Variants in SLC6A9 observed in about 807,000 individuals in gnomAD.
SLC6A9 encodes the protein sodium- and chloride-dependent glycine transporter 1.
A neutral mutation model predicts 70.9 loss-of-function variants in SLC6A9; 31 were observed. The observed-to-expected ratio is 0.44, with a 90% CI of 0.33 to 0.59. The LOEUF (loss-of-function observed/expected upper bound fraction) is 0.59. Ranked by LOEUF, SLC6A9 falls within the 20% of genes least tolerant of loss-of-function variation. The pLI, the probability that SLC6A9 is intolerant of heterozygous loss-of-function variation, is 0.04. For synonymous variants in SLC6A9, 310 were observed against 341.3 expected (o/e 0.91, Z 1.01); for missense variants, 631 against 845.2 (o/e 0.75, Z 3.14).
chr1:44,021,180 G>A (rs777701024), intron 2 of SLC6A9, among the ~76,000 whole-genome samples: 10 of 151,990 alleles, frequency 6.6e-5, no homozygotes, highest in Admixed American at 1.3e-4. Context: ...TGCTCCGCAC[G>A]TGTATGAGGC....
At chr1:44,006,896 G>A (rs1425638936) in intron 5 of SLC6A9, among the ~76,000 whole-genome samples, 1 of 152,214 alleles carries the variant, frequency 6.6e-6, no homozygotes, top group Non-Finnish European at 1.5e-5. Context: ...TGGGTTTAGA[G>A]GCCCTGTGGT....
rs1372619293 is a variant in SLC6A9, at chr1:43,997,137, A to G, written c.*408T>C. On this transcript the variant is annotated 3_prime_UTR_variant, in exon 14 of 14. Coordinates refer to ENST00000372310, the MANE Select transcript of SLC6A9 (RefSeq NM_001024845.3). This position sits in a 1 kb window ranked among gnomAD's most constrained non-coding sequence, Gnocchi z 4.4. ...TCCTGCCCCTAGGGAGGAATAGCCA[A>G]ATGTGCCTGGCAGAGGCTGGGGTCG... The G allele has an allele frequency of 4.7e-6, 1 of 213,000 alleles. No homozygotes were observed. The highest frequency in any genetic ancestry group is 6.0e-5 in the Admixed American group (1 of 16,544). The allele number at this position is 213,000 out of a possible 1,614,324, so 13.2% of individuals were successfully genotyped here. A position where few individuals can be genotyped will look rare whatever the true frequency, so the allele number is the denominator to read the frequency against.
intron 2 of SLC6A9, among the ~76,000 whole-genome samples, chr1:44,012,407 C>T (rs1383173883): frequency 6.6e-6 from 1 of 152,220 alleles, no homozygotes; most frequent in Non-Finnish European, 1.5e-5. Context: ...TCGACCCTGC[C>T]GAGATGTGAT....
intron 2 of SLC6A9, among the ~76,000 whole-genome samples, chr1:44,023,326 A>G (rs2086921887): frequency 6.6e-6 from 1 of 152,106 alleles, no homozygotes; most frequent in South Asian, 2.1e-4. Context: ...TGGTCCATCC[A>G]TCAGCGAGTC....
chr1:44,006,606 A>AAG (rs1038604188), intron 5 of SLC6A9, among the ~76,000 whole-genome samples: 3 of 151,648 alleles, frequency 2.0e-5, no homozygotes, highest in African/African-American at 7.3e-5. Context: ...AAAAAAAAAA[A>AAG]AAAAGAAATC....
chr1:44,020,365 G>T (rs2154307183), intron 2 of SLC6A9, among the ~76,000 whole-genome samples: 1 of 152,300 alleles, frequency 6.6e-6, no homozygotes, highest in South Asian at 2.1e-4. Flanking sequence ...CCTGTGGTGT[G>T]CTAGGTCCTG....
chr1:44,021,693 C>T (rs1309753166), intron 2 of SLC6A9, among the ~76,000 whole-genome samples: 8 of 152,182 alleles, frequency 5.3e-5, no homozygotes, highest in Non-Finnish European at 8.8e-5. Flanking sequence ...TTCTGATCTA[C>T]CAGGGTATCC....
chr1:44,002,264 G>T lies in SLC6A9; in HGVS notation c.962+49C>A. 1 of 1,330,820 alleles carries T rather than the reference G, an allele frequency of 7.5e-7. No homozygotes were observed. Among genetic ancestry groups the T allele is most frequent in the Non-Finnish European group, 1.1e-6 (1 of 921,898 alleles). 82.4% of individuals were successfully genotyped at this position (1,330,820 alleles called of 1,614,324 possible). ...GCTGCACTGGAGCTGAGATCAGGCT[G>T]CAGAGAGTGCAGGAAGGGGGCAGCC... On this transcript the variant is annotated intron_variant, in intron 8 of 13. Coordinates refer to ENST00000372310, the MANE Select transcript of SLC6A9 (RefSeq NM_001024845.3). This position sits in a 1 kb window ranked among gnomAD's most constrained non-coding sequence, Gnocchi z 5.5.
intron 2 of SLC6A9, chr1:44,015,821 G>A (rs756083499): frequency 8.1e-6 from 8 of 983,072 alleles, no homozygotes; most frequent in African/African-American, 3.5e-5. Context: ...ACCTGGATAT[G>A]GGAGAGTCTG....
chr1:44,010,277 A>G (rs542269565), intron 3 of SLC6A9, 181 bp from the exon 4 acceptor site: 5 of 590,104 alleles, frequency 8.5e-6, no homozygotes, highest in Admixed American at 6.1e-5. Context: ...TCAACTTGAC[A>G]GAGGCTCTCA....
At chr1:44,005,132 C>G (rs146493283) in intron 5 of SLC6A9, among the ~76,000 whole-genome samples, 5 of 152,206 alleles carry the variant, frequency 3.3e-5, no homozygotes, top group South Asian at 2.1e-4. Flanking sequence ...AGCTAATATG[C>G]GACAGAGCCA....
At chr1:44,024,439 C>A in intron 1 of SLC6A9, 77 bp from the exon 2 acceptor site, 1 of 797,078 alleles carries the variant, frequency 1.3e-6, no homozygotes, top group East Asian at 2.5e-5. Flanking sequence ...AGTGCCGAGC[C>A]ACCCACCACC....
At chr1:44,011,577 G>T in intron 2 of SLC6A9, 1 of 1,613,974 alleles carries the variant, frequency 6.2e-7, no homozygotes, top group Non-Finnish European at 8.5e-7. Context: ...CATGGCTAGG[G>T]AGTGCTGGGC....
chr1:44,009,322 C>A (rs1334586959), intron 4 of SLC6A9, among the ~76,000 whole-genome samples: 1 of 151,942 alleles, frequency 6.6e-6, no homozygotes, highest in African/African-American at 2.4e-5. Context: ...CGGGTTCACG[C>A]CATTCTCCCG....
At chr1:44,005,400 C>T (rs2086272838) in intron 5 of SLC6A9, among the ~76,000 whole-genome samples, 1 of 152,202 alleles carries the variant, frequency 6.6e-6, no homozygotes, top group East Asian at 1.9e-4. Context: ...GCTTCTCTCG[C>T]TTTAGAGTCT....
chr1:44,000,662 T>C (rs2086055932), intron 12 of SLC6A9, 105 bp downstream of exon 12: 3 of 744,206 alleles, frequency 4.0e-6, no homozygotes, highest in Non-Finnish European at 6.8e-6. Context: ...GGTATGGAGC[T>C]CCGGCCAGGT....
chr1:44,001,286 C>G lies in SLC6A9; in HGVS notation c.1213G>C (p.Glu405Gln). 5 of 1,614,240 alleles carry G rather than the reference C, an allele frequency of 3.1e-6. No individual in the cohort carries two copies. Among genetic ancestry groups the G allele is most frequent in the Non-Finnish European group, 4.2e-6 (5 of 1,180,054 alleles). ...TCCACAATGGCTGTGACCAGCGTCT[C>G]CAGGAGGCAGAACTGCAGGATGTGG... Reference protein sequence around the residue: ...LGLGTQFCLLETLVTAIVDEV... With the variant: ...LGLGTQFCLLQTLVTAIVDEV... Residue 405 changes from glutamate to glutamine, a missense_variant, in exon 10 of 14, where the codon GAG (glutamate) becomes CAG (glutamine). Coordinates refer to ENST00000372310, the MANE Select transcript of SLC6A9 (RefSeq NM_001024845.3).
rs933422182 is a variant in SLC6A9 at position 44,011,872 on chromosome 1, C to G, written c.31-990G>C. 4.4e-6 allele frequency: 3 copies of G among 678,736 alleles called. No homozygotes were observed. The African/African-American group carries it at 5.4e-5, about 12-fold the overall frequency. 42.0% of individuals were successfully genotyped at this position (678,736 alleles called of 1,614,324 possible). A position where few individuals can be genotyped will look rare whatever the true frequency, so the allele number is the denominator to read the frequency against. ...CCAGGCCCAAAAGCTGGAACTGGCTCTGCAAGTCCCTTGGTTAAAGAAGTC... is the reference window on the plus strand; with the variant it reads ...CCAGGCCCAAAAGCTGGAACTGGCTGTGCAAGTCCCTTGGTTAAAGAAGTC... On this transcript the variant is annotated intron_variant, in intron 2 of 13. Coordinates refer to ENST00000372310, the MANE Select transcript of SLC6A9 (RefSeq NM_001024845.3).
rs929225398 is a variant in SLC6A9 at position 44,008,460 on chromosome 1, G to A, written c.483C>T (p.Asp161=). 24 of 1,614,054 alleles carry A rather than the reference G, an allele frequency of 1.5e-5. No homozygotes were observed. The highest frequency in any genetic ancestry group is 4.4e-5 in the South Asian group (4 of 91,096). Reference sequence around the variant, plus strand: ...GAGAGCCATTGGTGAGGTTGGAGGCGTCCAGTACACCGGCGCAGTCATGCG... The same window carrying A: ...GAGAGCCATTGGTGAGGTTGGAGGCATCCAGTACACCGGCGCAGTCATGCG... ...WNTHDCAGVL[D]ASNLTNGSRP... is the part of the protein sequence containing the mutation. The change falls in exon 5 of 14, where the codon GAC becomes GAT. Residue 161 remains aspartate (D), a synonymous_variant. Transcript: ENST00000372310.
Sources: gnomAD v4.1 joint callset for allele counts (sites outside exome capture counted in the v4.1 genomes callset) on GRCh38, gnomAD v4.1.1 for gene constraint, Gnocchi (gnomAD v3.1) non-coding constraint, MANE v1.5 for transcripts, NCBI Gene and HGNC (gene_info 2026-07-23, HGNC 2026-07-21) for gene names.